The following STRBP variants were observed in gnomAD, a reference collection of about 807,000 sequenced individuals.
STRBP encodes the protein spermatid perinuclear RNA-binding protein.
In STRBP, 13 loss-of-function variants were observed where a neutral mutation model predicts 80.1. The observed-to-expected ratio is 0.16, with a 90% confidence interval of 0.11 to 0.26. STRBP has a LOEUF of 0.26. STRBP is among the 10% of genes least tolerant of loss of function. STRBP has a pLI of 1.00. For synonymous variants in STRBP, 284 were observed against 291.2 expected, an observed-to-expected ratio of 0.98 and a Z score of 0.25; for missense variants, 485 against 815.2, an observed-to-expected ratio of 0.59 and a Z score of 4.93.
intron 1 of STRBP, among the ~76,000 whole-genome samples, chr9:123,237,737 C>T (rs2040599961): frequency 6.6e-6 from 1 of 152,124 alleles, no homozygotes; most frequent in African/African-American, 2.4e-5. Flanking sequence ...ATTTCAGCAA[C>T]TGGGTTACTT....
rs979442639 is a variant in STRBP, at chr9:123,115,175, C to T, written c.*84+754G>A. On this transcript the variant is annotated intron_variant and NMD_transcript_variant, in intron 3 of 3. Coordinates refer to the STRBP transcript ENST00000471564. This position sits in a 1 kb window ranked among gnomAD's most constrained non-coding sequence, Gnocchi z 5.0. The stretch of plus-strand genomic sequence containing the variant: ...ATCCTCTCGGGTCCCACAGCAAGGC[C>T]CTTCACACTCCCCAAGTGGGCACAC... 2.1e-6 allele frequency: 1 copy of T among 470,238 alleles called. No homozygotes were observed. Among genetic ancestry groups the T allele is most frequent in the Non-Finnish European group, 4.4e-6 (1 of 226,526 alleles). 29.1% of individuals were successfully genotyped at this position (470,238 alleles called of 1,614,324 possible).
chr9:123,125,667 G>T lies in STRBP; in HGVS notation c.1949C>A (p.Pro650His), dbSNP rs751564291. The T allele has an allele frequency of 3.5e-5, 57 of 1,611,618 alleles. No homozygotes were observed. The highest frequency in any genetic ancestry group is 4.8e-5 in the Non-Finnish European group (56 of 1,178,844). The change falls in exon 19 of 19, where the codon CCC becomes CAC. Residue 650 changes from proline (P) to histidine (H), a missense_variant. This residue lies in a region of STRBP where 85 missense variants were observed against 120.1 expected (regional missense o/e 0.71). Transcript: ENST00000348403. Reference protein sequence around the residue: ...YSTAAPAYGLPKRMVLLPVMK... With the variant: ...YSTAAPAYGLHKRMVLLPVMK... ...AACGGGTAACAGAACCATTCTCTTG[G>T]GTAAACCTACAGAGAAAAGAAACGG...
rs1443535109 is a variant in STRBP, at chr9:123,268,517, T to G, written c.-383A>C. ...CACCTCGCCCGCTCGCGTCTCCGGCTCCTCTGCCCAGCGGCGGCGGCTGCG... is the reference window on the plus strand; with the variant it reads ...CACCTCGCCCGCTCGCGTCTCCGGCGCCTCTGCCCAGCGGCGGCGGCTGCG... On this transcript the variant is annotated 5_prime_UTR_variant, in exon 1 of 19. Transcript: ENST00000348403. 1 of 163,412 alleles carries G rather than the reference T, an allele frequency of 6.1e-6. No individual in the cohort carries two copies. Among genetic ancestry groups the G allele is most frequent in the East Asian group, 1.7e-4 (1 of 5,738 alleles). 10.1% of individuals were successfully genotyped at this position (163,412 alleles called of 1,614,324 possible).
intron 2 of STRBP, among the ~76,000 whole-genome samples, chr9:123,235,584 CAAAAAAAAAAAAAAAAAAAA>C (rs71390421): frequency 2.7e-5 from 1 of 36,496 alleles, no homozygotes; most frequent in African/African-American, 8.2e-5. Context: ...ACAAGTTCAG[CAAAAAAAAAAAAAAAAAAAA>C]AAAAAAAAAA....
rs1223159756 is a variant in STRBP at position 123,123,905 on chromosome 9, G to A, written c.*1692C>T. ...AAACATGAAAACTCCCAGCTGAAAT[G>A]GGCCCTCTTGTTTATGTCTAGCCAC... On this transcript the variant is annotated 3_prime_UTR_variant, in exon 19 of 19. Coordinates refer to ENST00000348403, the MANE Select transcript of STRBP (RefSeq NM_018387.5). 2 of 985,284 alleles carry A rather than the reference G, an allele frequency of 2.0e-6. No individual in the cohort carries two copies. The highest frequency in any genetic ancestry group is 3.5e-5 in the African/African-American group (2 of 57,222). The allele number at this position is 985,284 out of a possible 1,614,324, so 61.0% of individuals were successfully genotyped here. A position where few individuals can be genotyped will look rare whatever the true frequency, so the allele number is the denominator to read the frequency against.
At chr9:123,237,528 C>T (rs1280129244) in intron 1 of STRBP, among the ~76,000 whole-genome samples, 1 of 152,016 alleles carries the variant, frequency 6.6e-6, no homozygotes, top group African/African-American at 2.4e-5. Context: ...TTTCACCTCA[C>T]TTGCTTAAGA....
intron 2 of STRBP, among the ~76,000 whole-genome samples, chr9:123,232,926 T>A (rs1176776492): frequency 6.6e-6 from 1 of 152,178 alleles, no homozygotes. Context: ...TCTCTTCTAT[T>A]TATCCTACTA....
intron 1 of STRBP, among the ~76,000 whole-genome samples, chr9:123,237,683 G>A (rs1422152407): frequency 6.6e-6 from 1 of 151,860 alleles, no homozygotes; most frequent in Non-Finnish European, 1.5e-5. Context: ...CTCAACTACT[G>A]TGCGCTGAAT....
chr9:123,244,168 C>A lies in STRBP; in HGVS notation c.-301-7202G>T, dbSNP rs1171717936. 2.6e-5 allele frequency among the ~76,000 whole-genome samples: 4 copies of A among 152,004 alleles called. No homozygotes were observed. In the East Asian group the frequency reaches 7.7e-4, roughly 29 times the overall value. ...CAAGCCATGTAAAGACATGGAGAAA[C>A]CTTAAATGCATATAGCCTAGCAAAA... On this transcript the variant is annotated intron_variant, in intron 1 of 18. Coordinates refer to ENST00000348403, the MANE Select transcript of STRBP (RefSeq NM_018387.5).
chr9:123,241,282 C>T (rs1455462377), intron 1 of STRBP, among the ~76,000 whole-genome samples: 2 of 151,888 alleles, frequency 1.3e-5, no homozygotes, highest in African/African-American at 4.8e-5. Context: ...CAGCAGAATC[C>T]CTAGAGTCTA....
At chr9:123,183,997 T>A (rs2038598225) in intron 3 of STRBP, 135 bp downstream of exon 3, 1 of 684,996 alleles carries the variant, frequency 1.5e-6, no homozygotes, top group Non-Finnish European at 2.5e-6. Context: ...AATAGTAGAG[T>A]GCCATCTTTA....
chr9:123,164,395 G>A (rs943759754), intron 6 of STRBP, among the ~76,000 whole-genome samples: 19 of 151,964 alleles, frequency 1.3e-4, no homozygotes, highest in African/African-American at 4.1e-4. Flanking sequence ...CTAGCATCAG[G>A]GCATGAAGGT....
Position 123,179,217 on chromosome 9 carries a change from C to T in STRBP, c.14G>A (p.Arg5Gln). Residue 5 changes from arginine to glutamine, a missense_variant, in exon 4 of 19, where the codon CGA becomes CAA. By Grantham distance (43) the Arg-to-Gln change is conservative (BLOSUM62 1). Coordinates refer to ENST00000348403, the MANE Select transcript of STRBP (RefSeq NM_018387.5). MRSI[R>Q]SFANDDRHVM... is the part of the protein sequence containing the mutation. ...ATGGCGATCATCATTAGCAAAAGAT[C>T]GAATAGATCTCTGTTAGAAGGAGAA... 3 of 1,605,058 alleles carry T rather than the reference C, an allele frequency of 1.9e-6. No individual in the cohort carries two copies. The highest frequency in any genetic ancestry group is 2.6e-6 in the Non-Finnish European group (3 of 1,172,556).
At chr9:123,229,948 C>A (rs528007340) in intron 2 of STRBP, among the ~76,000 whole-genome samples, 2 of 152,182 alleles carry the variant, frequency 1.3e-5, no homozygotes, top group Admixed American at 1.3e-4. Context: ...TATGTGTTTT[C>A]CAGCTATGTT....
chr9:123,251,592 T>C (rs907057887), intron 1 of STRBP, among the ~76,000 whole-genome samples: 1 of 152,212 alleles, frequency 6.6e-6, no homozygotes, highest in Non-Finnish European at 1.5e-5. Context: ...CTTTTTCATG[T>C]ACAAGATAAG....
chr9:123,177,546 C>T (rs1390574710), intron 4 of STRBP, among the ~76,000 whole-genome samples: 1 of 151,940 alleles, frequency 6.6e-6, no homozygotes, highest in Non-Finnish European at 1.5e-5. Flanking sequence ...ACGCTCCAGC[C>T]TGGGCAACAG....
chr9:123,253,396 C>T (rs2040957219), intron 1 of STRBP, among the ~76,000 whole-genome samples: 1 of 152,218 alleles, frequency 6.6e-6, no homozygotes, highest in Non-Finnish European at 1.5e-5. Context: ...ACTCAAATCC[C>T]CTTCCCTTAC....
At chr9:123,257,991 A>C (rs959499425) in intron 1 of STRBP, among the ~76,000 whole-genome samples, 2 of 152,082 alleles carry the variant, frequency 1.3e-5, no homozygotes, top group Non-Finnish European at 2.9e-5. Flanking sequence ...GAATAAATTA[A>C]TAAGGATACT....
intron 1 of STRBP, among the ~76,000 whole-genome samples, chr9:123,246,082 T>G (rs1489856194): frequency 6.6e-6 from 1 of 152,152 alleles, no homozygotes; most frequent in Non-Finnish European, 1.5e-5. Flanking sequence ...CTTTCCAAAA[T>G]CTCTCAAGCC....
Sources: gnomAD v4.1 joint callset for allele counts (sites outside exome capture counted in the v4.1 genomes callset) on GRCh38, gnomAD v4.1.1 for gene constraint, gnomAD v4.1.1 regional missense constraint, Gnocchi (gnomAD v3.1) non-coding constraint, MANE v1.5 for transcripts, NCBI Gene and HGNC (gene_info 2026-07-23, HGNC 2026-07-21) for gene names.